ROR2: variants seen among roughly 807,000 people sequenced by gnomAD.
ROR2 encodes ROR family WNT receptor 2, also known as tyrosine-protein kinase transmembrane receptor ROR2.
In ROR2, 33 loss-of-function variants were observed where a neutral mutation model predicts 74.9. That is an observed-to-expected ratio of 0.44 (90% confidence interval 0.33 to 0.59). The LOEUF is 0.59. ROR2 is among the 20% of genes least tolerant of loss of function. The pLI is 0.02. For missense variants in ROR2, 1,216 were observed against 1,313.8 expected, an observed-to-expected ratio of 0.93 and a Z score of 1.15; for synonymous variants, 586 against 558.7, an observed-to-expected ratio of 1.05 and a Z score of -0.69.
At chr9:91,782,098 C>T (rs1026226974) in intron 1 of ROR2, among the ~76,000 whole-genome samples, 1 of 152,192 alleles carries the variant, frequency 6.6e-6, no homozygotes, top group Non-Finnish European at 1.5e-5. Flanking sequence ...TGAGCCTGGC[C>T]GGGCTGGGAG....
intron 1 of ROR2, among the ~76,000 whole-genome samples, chr9:91,946,051 G>A (rs1224969570): frequency 2.0e-5 from 3 of 152,202 alleles, no homozygotes; most frequent in Non-Finnish European, 4.4e-5. Flanking sequence ...TGGTGGTGTT[G>A]TGGGGCAAAG....
intron 1 of ROR2, among the ~76,000 whole-genome samples, chr9:91,878,945 G>C (rs1279868508): frequency 6.6e-6 from 1 of 152,128 alleles, no homozygotes; most frequent in Non-Finnish European, 1.5e-5. Flanking sequence ...AGGAGGCTGA[G>C]GCAGGAGAAT....
intron 1 of ROR2, among the ~76,000 whole-genome samples, chr9:91,930,336 T>C (rs1437487576): frequency 6.6e-6 from 1 of 152,212 alleles, no homozygotes; most frequent in East Asian, 1.9e-4. Context: ...ACTCCTACTT[T>C]CCCCTTCTTT....
At chr9:91,809,768 T>G (rs1223649152) in intron 1 of ROR2, among the ~76,000 whole-genome samples, 1 of 152,214 alleles carries the variant, frequency 6.6e-6, no homozygotes, top group Non-Finnish European at 1.5e-5. Flanking sequence ...AGAGCCCACA[T>G]GCCCACAGAC....
intron 1 of ROR2, among the ~76,000 whole-genome samples, chr9:91,899,517 A>G (rs1281023065): frequency 1.3e-5 from 2 of 152,166 alleles, no homozygotes; most frequent in Admixed American, 6.5e-5. Context: ...GTAAAGAGGT[A>G]TAGGCAGATA....
Position 91,744,049 on chromosome 9 carries a change from A to C in ROR2, c.495-6531T>G, listed in dbSNP as rs116448967. Among the ~76,000 whole-genome samples the C allele has an allele frequency of 8.5e-3, 1,295 of 152,278 alleles. 18 individuals are homozygous for C. Among genetic ancestry groups the C allele is most frequent in the African/African-American group, 0.029 (1,225 of 41,552 alleles). The stretch of plus-strand genomic sequence containing the variant: ...TATAGTTAACCAGAATAAATCTTTC[A>C]GACATTACATTTAATGAAAGAGGCC... On this transcript the variant is annotated intron_variant, in intron 4 of 8. Coordinates refer to ENST00000375708, the MANE Select transcript of ROR2 (RefSeq NM_004560.4).
intron 1 of ROR2, among the ~76,000 whole-genome samples, chr9:91,837,861 T>C (rs1483137075): frequency 1.3e-5 from 2 of 152,212 alleles, no homozygotes; most frequent in East Asian, 1.9e-4. Flanking sequence ...GAATAAGGAA[T>C]GTAGGCTACA....
intron 6 of ROR2, among the ~76,000 whole-genome samples, chr9:91,731,985 G>A (rs978155571): frequency 1.3e-5 from 2 of 152,064 alleles, no homozygotes; most frequent in Non-Finnish European, 2.9e-5. Flanking sequence ...TCAGCCCCAC[G>A]GGTTAGTACT....
chr9:91,781,046 G>A (rs1240637735), intron 1 of ROR2, among the ~76,000 whole-genome samples: 7 of 152,182 alleles, frequency 4.6e-5, no homozygotes, highest in African/African-American at 1.7e-4. Flanking sequence ...ATCTGAATCG[G>A]TATGCTTACT....
At chr9:91,918,281 A>T (rs990835888) in intron 1 of ROR2, among the ~76,000 whole-genome samples, 7 of 149,092 alleles carry the variant, frequency 4.7e-5, no homozygotes, top group African/African-American at 1.3e-4. Context: ...AAAAAAAAAG[A>T]AGTTGTTGAA....
At chr9:91,848,588 C>T (rs1828996551) in intron 1 of ROR2, among the ~76,000 whole-genome samples, 1 of 152,052 alleles carries the variant, frequency 6.6e-6, no homozygotes, top group South Asian at 2.1e-4. Context: ...TGGCGAAACA[C>T]TACTAAAAAT....
intron 1 of ROR2, among the ~76,000 whole-genome samples, chr9:91,872,903 T>C (rs1829843783): frequency 6.6e-6 from 1 of 152,204 alleles, no homozygotes; most frequent in Non-Finnish European, 1.5e-5. Context: ...ACCAGGCCCA[T>C]GCAGGTCCAC....
chr9:91,780,314 T>C (rs1490717242), intron 1 of ROR2, among the ~76,000 whole-genome samples: 1 of 151,422 alleles, frequency 6.6e-6, no homozygotes, highest in African/African-American at 2.4e-5. Context: ...GAGGCGGAGC[T>C]TGCAGTGAGC....
chr9:91,853,094 G>A (rs1005845039), intron 1 of ROR2, among the ~76,000 whole-genome samples: 2 of 152,226 alleles, frequency 1.3e-5, no homozygotes, highest in Non-Finnish European at 2.9e-5. Flanking sequence ...CAGCCAGGCT[G>A]TGGGAGACTG....
At chr9:91,777,859 T>C (rs1826472036) in intron 1 of ROR2, among the ~76,000 whole-genome samples, 1 of 151,958 alleles carries the variant, frequency 6.6e-6, no homozygotes, top group South Asian at 2.1e-4. Flanking sequence ...TGCCCTGTAG[T>C]AGCAAAAAGA....
chr9:91,899,636 G>A (rs1441085385), intron 1 of ROR2, among the ~76,000 whole-genome samples: 1 of 152,140 alleles, frequency 6.6e-6, no homozygotes, highest in East Asian at 1.9e-4. Context: ...CAAGGAGAAA[G>A]ATGGGGAGGA....
At chr9:91,801,544 G>A (rs1374742406) in intron 1 of ROR2, among the ~76,000 whole-genome samples, 2 of 152,134 alleles carry the variant, frequency 1.3e-5, no homozygotes, top group Admixed American at 1.3e-4. Flanking sequence ...TGTTGGCCAC[G>A]ATGGTCTTGA....
intron 1 of ROR2, among the ~76,000 whole-genome samples, chr9:91,806,459 G>A (rs1190943250): frequency 6.6e-6 from 1 of 152,162 alleles, no homozygotes; most frequent in Admixed American, 6.5e-5. Context: ...TCACCTTGGG[G>A]GTGAGGATTT....
At chr9:91,927,529 G>A (rs1216803032) in intron 1 of ROR2, among the ~76,000 whole-genome samples, 1 of 149,510 alleles carries the variant, frequency 6.7e-6, no homozygotes, top group Non-Finnish European at 1.5e-5. Flanking sequence ...CTATCTCTGT[G>A]CCCTCTGTGG....
Sources: gnomAD v4.1 joint callset for allele counts (sites outside exome capture counted in the v4.1 genomes callset) on GRCh38, gnomAD v4.1.1 for gene constraint, MANE v1.5 for transcripts, NCBI Gene and HGNC (gene_info 2026-07-23, HGNC 2026-07-21) for gene names.